GSG1L: variants seen among roughly 807,000 people sequenced by gnomAD.
The protein encoded by GSG1L is germ cell-specific gene 1-like protein.
A neutral mutation model predicts 42.1 loss-of-function variants in GSG1L; 24 were observed. The ratio of observed to expected loss-of-function variants is 0.57; its 90% CI spans 0.41 to 0.80. GSG1L has a LOEUF of 0.80. GSG1L is among the 30% of genes least tolerant of loss of function. The pLI, the probability that GSG1L is intolerant of heterozygous loss-of-function variation, is 0.00. For missense variants in GSG1L, 445 were observed against 472.2 expected (o/e 0.94, Z 0.53); for synonymous variants, 215 against 203.5 (o/e 1.06, Z -0.48).
At chr16:28,016,651 C>A (rs575990611) in intron 1 of GSG1L, among the ~76,000 whole-genome samples, 2 of 152,188 alleles carry the variant, frequency 1.3e-5, no homozygotes, top group Admixed American at 6.5e-5. Flanking sequence ...CTCAACCCCA[C>A]CAAAACACTA....
chr16:27,867,960 C>T (rs1236672545), intron 3 of GSG1L, among the ~76,000 whole-genome samples: 1 of 152,268 alleles, frequency 6.6e-6, no homozygotes, highest in Non-Finnish European at 1.5e-5. Context: ...TTGCTACACT[C>T]ACTCCACTAA....
chr16:27,930,610 G>A (rs2084645211), intron 2 of GSG1L, among the ~76,000 whole-genome samples: 1 of 152,222 alleles, frequency 6.6e-6, no homozygotes, highest in Non-Finnish European at 1.5e-5. Context: ...TCAGAAGTAA[G>A]CAGTCAGGTA....
intron 1 of GSG1L, among the ~76,000 whole-genome samples, chr16:27,978,685 C>T (rs1383634718): frequency 3.0e-5 from 4 of 131,346 alleles, no homozygotes; most frequent in Non-Finnish European, 6.3e-5. Context: ...AGCAAGACTC[C>T]ATCTCAAAAA....
At chr16:27,846,330 G>A (rs1030811069) in intron 3 of GSG1L, among the ~76,000 whole-genome samples, 2 of 152,174 alleles carry the variant, frequency 1.3e-5, no homozygotes, top group South Asian at 4.1e-4. Flanking sequence ...TTCCTGCTCA[G>A]AAGGGTGTTG....
At chr16:27,929,631 GA>G (rs1187577653) in intron 2 of GSG1L, among the ~76,000 whole-genome samples, 1 of 152,204 alleles carries the variant, frequency 6.6e-6, no homozygotes, top group African/African-American at 2.4e-5. Context: ...CCTGAAGGAT[GA>G]TTTCAGTTAC....
chr16:27,994,203 A>G (rs770523764), intron 1 of GSG1L, among the ~76,000 whole-genome samples: 3 of 152,200 alleles, frequency 2.0e-5, no homozygotes, highest in Non-Finnish European at 4.4e-5. Flanking sequence ...ACATAAGGAT[A>G]GGAGAAAGGC....
chr16:27,943,566 C>CTTTTT lies in GSG1L; in HGVS notation c.397+19585_397+19589dup, dbSNP rs11385465. 2.4e-4 allele frequency among the ~76,000 whole-genome samples: 16 copies of CTTTTT among 67,720 alleles called. 1 individual carries two copies. The highest frequency in any genetic ancestry group is 4.8e-4 in the African/African-American group (8 of 16,838). The allele number at this position is 67,720 out of a possible 152,430, so 44.4% of individuals were successfully genotyped here. A position where few individuals can be genotyped will look rare whatever the true frequency, so the allele number is the denominator to read the frequency against. The stretch of plus-strand genomic sequence containing the variant: ...GCTAACATTTTCTTTTTCTTTGTTT[C>CTTTTT]TTTTTTTTTTTTTTTTTTTTTTTTT... On this transcript the variant is annotated intron_variant, in intron 2 of 6. Transcript: ENST00000447459.
At chr16:28,049,104 G>A (rs1044825558) in intron 1 of GSG1L, among the ~76,000 whole-genome samples, 8 of 152,016 alleles carry the variant, frequency 5.3e-5, no homozygotes, top group Non-Finnish European at 1.2e-4. Flanking sequence ...ATTTTTACAG[G>A]GCCCATATCA....
intron 4 of GSG1L, among the ~76,000 whole-genome samples, chr16:27,840,440 A>G (rs1274787151): frequency 2.6e-5 from 4 of 152,092 alleles, no homozygotes; most frequent in African/African-American, 9.7e-5. Flanking sequence ...TAAGCCAAGC[A>G]GCTGCTTGGG....
At chr16:27,980,901 C>CAAAAAA (rs11390148) in intron 1 of GSG1L, among the ~76,000 whole-genome samples, 4 of 127,044 alleles carry the variant, frequency 3.1e-5, no homozygotes, top group Non-Finnish European at 3.3e-5. Context: ...AACCAAAAAA[C>CAAAAAA]AAAAAAAAAA....
intron 2 of GSG1L, among the ~76,000 whole-genome samples, chr16:27,912,948 C>T (rs563127872): frequency 2.2e-4 from 33 of 152,172 alleles, no homozygotes; most frequent in Admixed American, 5.2e-4. Flanking sequence ...TGGCTACAAA[C>T]ATCAACATGG....
At chr16:27,905,310 TG>T (rs1456426971) in intron 2 of GSG1L, among the ~76,000 whole-genome samples, 3 of 148,604 alleles carry the variant, frequency 2.0e-5, no homozygotes, top group East Asian at 4.1e-4. Context: ...ATTCCGTTCA[TG>T]CCAGAATCTT....
At chr16:27,993,792 C>T (rs2085480531) in intron 1 of GSG1L, among the ~76,000 whole-genome samples, 1 of 152,210 alleles carries the variant, frequency 6.6e-6, no homozygotes, top group Admixed American at 6.5e-5. Context: ...AAAGGCTACA[C>T]AGATGACTTG....
At chr16:27,874,947 T>C (rs148085782) in intron 3 of GSG1L, among the ~76,000 whole-genome samples, 1 of 152,312 alleles carries the variant, frequency 6.6e-6, no homozygotes, top group East Asian at 1.9e-4. Flanking sequence ...GCATTAAGCC[T>C]GTGGAGTGTG....
At chr16:27,849,695 T>TG (rs2083485904) in intron 3 of GSG1L, among the ~76,000 whole-genome samples, 1 of 151,926 alleles carries the variant, frequency 6.6e-6, no homozygotes, top group African/African-American at 2.4e-5. Flanking sequence ...GCTATTGTAT[T>TG]TATTTATTTA....
intron 5 of GSG1L, among the ~76,000 whole-genome samples, chr16:27,824,368 C>G (rs1326081698): frequency 2.0e-5 from 3 of 152,208 alleles, no homozygotes; most frequent in Non-Finnish European, 4.4e-5. Context: ...ACAGCACCCT[C>G]TGTCCCCCGT....
At chr16:28,044,044 T>A (rs148794007) in intron 1 of GSG1L, among the ~76,000 whole-genome samples, 185 of 151,820 alleles carry the variant, frequency 1.2e-3, no homozygotes, top group Non-Finnish European at 2.3e-3. Context: ...AAAAAAAAAC[T>A]GTATTAAATA....
intron 2 of GSG1L, among the ~76,000 whole-genome samples, chr16:27,959,523 G>A (rs528269643): frequency 6.9e-5 from 10 of 145,980 alleles, no homozygotes; most frequent in African/African-American, 2.3e-4. Flanking sequence ...GGAGGGAAGG[G>A]GAGGGGAGGG....
chr16:27,830,794 A>G (rs1406426349), intron 4 of GSG1L, among the ~76,000 whole-genome samples: 1 of 152,234 alleles, frequency 6.6e-6, no homozygotes, highest in Non-Finnish European at 1.5e-5. Flanking sequence ...GTCTCTTTAT[A>G]CTAGCATGAT....
Sources: gnomAD v4.1 joint callset for allele counts (sites outside exome capture counted in the v4.1 genomes callset) on GRCh38, gnomAD v4.1.1 for gene constraint, MANE v1.5 for transcripts, NCBI Gene and HGNC (gene_info 2026-07-23, HGNC 2026-07-21) for gene names.